CACNA1E: variants seen among roughly 807,000 people sequenced by gnomAD.
The protein encoded by CACNA1E is voltage-dependent R-type calcium channel subunit alpha-1E.
In CACNA1E, 40 loss-of-function variants were observed where a neutral mutation model predicts 259.2. That is an observed-to-expected ratio of 0.15 (90% CI 0.12 to 0.20). The LOEUF (loss-of-function observed/expected upper bound fraction) is 0.20. Among genes scored for constraint, CACNA1E ranks in the 10% least tolerant of loss-of-function variants. The pLI is 1.00. For missense variants in CACNA1E, 1,874 were observed against 3,040.1 expected (o/e 0.62, Z 9.02); for synonymous variants, 1,104 against 1,138.5 (o/e 0.97, Z 0.61).
At chr1:181,386,470 T>A (rs1356007932) in intron 1 of CACNA1E, among the ~76,000 whole-genome samples, 1 of 152,114 alleles carries the variant, frequency 6.6e-6, no homozygotes, top group Admixed American at 6.5e-5. Flanking sequence ...AGTAGGCAGT[T>A]TGAGGTTTAT....
chr1:181,591,680 G>C (rs1197947123), intron 6 of CACNA1E, among the ~76,000 whole-genome samples: 1 of 152,120 alleles, frequency 6.6e-6, no homozygotes, highest in Admixed American at 6.6e-5. Flanking sequence ...GATGCCAAAG[G>C]TACTATAACA....
chr1:181,381,706 A>G lies in CACNA1E; in HGVS notation c.-14-31427A>G, dbSNP rs80309499. Reference sequence around the variant, plus strand: ...AGCCCTTTATATGCTGTACAATACTATAGAATAGTTAGTTATTAATTCTAT... The same window carrying G: ...AGCCCTTTATATGCTGTACAATACTGTAGAATAGTTAGTTATTAATTCTAT... On this transcript the variant is annotated intron_variant, in intron 1 of 11. Transcript: ENST00000524607. 3.2e-3 allele frequency among the ~76,000 whole-genome samples: 484 copies of G among 152,350 alleles called. 4 individuals are homozygous for G. The highest frequency in any genetic ancestry group is 0.024 in the East Asian group (126 of 5,194).
intron 1 of CACNA1E, among the ~76,000 whole-genome samples, chr1:181,356,231 C>T (rs1186787881): frequency 5.9e-5 from 9 of 151,972 alleles, no homozygotes; most frequent in African/African-American, 1.7e-4. Context: ...TACTTGGAGC[C>T]GAGTTATTTT....
At chr1:181,693,849 A>G (rs1651445051) in intron 7 of CACNA1E, among the ~76,000 whole-genome samples, 1 of 152,218 alleles carries the variant, frequency 6.6e-6, no homozygotes. Flanking sequence ...ATCTAAATAA[A>G]CACAGATCTG....
At chr1:181,413,835 C>T (rs556065000) in intron 2 of CACNA1E, among the ~76,000 whole-genome samples, 25 of 152,340 alleles carry the variant, frequency 1.6e-4, no homozygotes, top group Non-Finnish European at 2.9e-4. Context: ...AGCCTTGCCC[C>T]CAAGGCTCAC....
At chr1:181,642,131 T>C (rs1224063410) in intron 6 of CACNA1E, among the ~76,000 whole-genome samples, 1 of 152,178 alleles carries the variant, frequency 6.6e-6, no homozygotes, top group Non-Finnish European at 1.5e-5. Context: ...TCAGAAGTCC[T>C]GCATTCTGGT....
At chr1:181,635,735 A>G (rs1289180734) in intron 6 of CACNA1E, among the ~76,000 whole-genome samples, 1 of 152,166 alleles carries the variant, frequency 6.6e-6, no homozygotes, top group African/African-American at 2.4e-5. Flanking sequence ...GCGCTAGACT[A>G]TGTTTACCCA....
rs1030090563 is a variant in CACNA1E, at chr1:181,510,546, T to G, written c.336T>G (p.Leu112=). 4 of 1,613,694 alleles carry G rather than the reference T, an allele frequency of 2.5e-6. No individual in the cohort carries two copies. The highest frequency in any genetic ancestry group is 2.5e-6 in the Non-Finnish European group (3 of 1,179,610). ...NCIVLALEQH[L]PEDDKTPMSR... is the part of the protein sequence containing the mutation. ...TCGTCCTGGCCCTGGAGCAGCATCTTCCTGAGGATGACAAGACCCCCATGT... is the reference window on the plus strand; with the variant it reads ...TCGTCCTGGCCCTGGAGCAGCATCTGCCTGAGGATGACAAGACCCCCATGT... Residue 112 remains leucine, a synonymous_variant, in exon 2 of 48, where the codon CTT becomes CTG. Transcript: ENST00000367573.
At chr1:181,784,376 A>G (rs1660686845) in intron 40 of CACNA1E, among the ~76,000 whole-genome samples, 1 of 152,174 alleles carries the variant, frequency 6.6e-6, no homozygotes, top group African/African-American at 2.4e-5. Flanking sequence ...CCTCTGATGT[A>G]TTGAGCACCT....
chr1:181,470,087 G>C (rs1472501396), intron 2 of CACNA1E, among the ~76,000 whole-genome samples: 2 of 151,962 alleles, frequency 1.3e-5, no homozygotes, highest in African/African-American at 2.4e-5. Flanking sequence ...GAGAGCGTGA[G>C]AGAAAGAAAG....
intron 6 of CACNA1E, among the ~76,000 whole-genome samples, chr1:181,641,430 T>C (rs1657735077): frequency 6.6e-6 from 1 of 152,224 alleles, no homozygotes; most frequent in African/African-American, 2.4e-5. Context: ...GGCAGCCCAC[T>C]GTGGCCTTAG....
At chr1:181,409,476 A>G (rs1018475966) in intron 1 of CACNA1E, among the ~76,000 whole-genome samples, 4 of 152,246 alleles carry the variant, frequency 2.6e-5, no homozygotes, top group African/African-American at 9.6e-5. Flanking sequence ...GGCAAACAGC[A>G]CTAATGGTCA....
intron 7 of CACNA1E, among the ~76,000 whole-genome samples, chr1:181,702,246 G>A (rs1326434935): frequency 6.6e-6 from 1 of 151,918 alleles, no homozygotes; most frequent in Non-Finnish European, 1.5e-5. Context: ...CATCTTGGAT[G>A]CATGTCTCTC....
chr1:181,500,152 G>A (rs550916326), intron 1 of CACNA1E, among the ~76,000 whole-genome samples: 4 of 152,326 alleles, frequency 2.6e-5, no homozygotes, highest in Admixed American at 2.6e-4. Flanking sequence ...GGCTCACCCA[G>A]GAGGCCCTTG....
At chr1:181,735,291 C>T (rs978379717) in intron 21 of CACNA1E, among the ~76,000 whole-genome samples, 2 of 152,146 alleles carry the variant, frequency 1.3e-5, no homozygotes, top group Non-Finnish European at 2.9e-5. Context: ...CTTTACTCTC[C>T]CTCTGTTGTA....
At chr1:181,438,650 A>T (rs149877953) in intron 2 of CACNA1E, among the ~76,000 whole-genome samples, 2 of 152,332 alleles carry the variant, frequency 1.3e-5, no homozygotes, top group East Asian at 3.9e-4. Context: ...ATTTATACCC[A>T]TGAGAATGGC....
intron 43 of CACNA1E, 151 bp from the exon 44 acceptor site, chr1:181,790,294 T>TC: frequency 2.1e-6 from 1 of 468,808 alleles, no homozygotes; most frequent in East Asian, 3.4e-5. Flanking sequence ...CTAGTGCTTT[T>TC]TTTTTTTTTT....
intron 35 of CACNA1E, among the ~76,000 whole-genome samples, chr1:181,768,049 C>A (rs1184322330): frequency 6.6e-6 from 1 of 152,192 alleles, no homozygotes; most frequent in African/African-American, 2.4e-5. Flanking sequence ...TTATCCATCA[C>A]CTCAAACATT....
At chr1:181,570,783 C>T (rs2102935664) in intron 3 of CACNA1E, among the ~76,000 whole-genome samples, 1 of 152,304 alleles carries the variant, frequency 6.6e-6, no homozygotes, top group East Asian at 1.9e-4. Flanking sequence ...GTGATTGTGC[C>T]TCGAGTCCAC....
Sources: gnomAD v4.1 joint callset for allele counts (sites outside exome capture counted in the v4.1 genomes callset) on GRCh38, gnomAD v4.1.1 for gene constraint, MANE v1.5 for transcripts, NCBI Gene and HGNC (gene_info 2026-07-23, HGNC 2026-07-21) for gene names.